Variants in RAB3IP observed in about 807,000 individuals in gnomAD.
The protein encoded by RAB3IP is RAB3A interacting protein, also known as rab-3A-interacting protein.
In RAB3IP, 36 loss-of-function variants were observed where a neutral mutation model predicts 59.1. The observed-to-expected ratio is 0.61, with a 90% CI of 0.47 to 0.80. The LOEUF is 0.80. Among genes scored for constraint, RAB3IP ranks in the 30% least tolerant of loss-of-function variants. The pLI is 0.00. For missense variants in RAB3IP, 511 were observed against 536.0 expected, an observed-to-expected ratio of 0.95 and a Z score of 0.46; for synonymous variants, 207 against 191.2, an observed-to-expected ratio of 1.08 and a Z score of -0.68.
chr12:69,759,410 G>A (rs1274806983), intron 3 of RAB3IP, among the ~76,000 whole-genome samples: 1 of 152,094 alleles, frequency 6.6e-6, no homozygotes, highest in Admixed American at 6.5e-5. Context: ...GCAACAATCT[G>A]ATTTCTCTAT....
chr12:69,784,032 C>T (rs1875205280), intron 3 of RAB3IP, among the ~76,000 whole-genome samples: 1 of 152,096 alleles, frequency 6.6e-6, no homozygotes, highest in South Asian at 2.1e-4. Flanking sequence ...TAGATTCTCC[C>T]CCCCTATGTT....
chr12:69,741,455 A>T (rs928543305), intron 1 of RAB3IP, among the ~76,000 whole-genome samples: 2 of 152,222 alleles, frequency 1.3e-5, no homozygotes, highest in African/African-American at 4.8e-5. Flanking sequence ...TGTAACTATA[A>T]GGAGGCACAC....
chr12:69,740,663 T>C (rs1040251624), intron 1 of RAB3IP, among the ~76,000 whole-genome samples: 18 of 152,258 alleles, frequency 1.2e-4, no homozygotes, highest in African/African-American at 4.3e-4. Flanking sequence ...ATTGTACTTT[T>C]TGAATTAGTG....
Position 69,815,547 on chromosome 12 carries a change from C to T in RAB3IP, c.*101C>T. 3.8e-6 allele frequency: 3 copies of T among 799,848 alleles called. No homozygotes were observed. Among genetic ancestry groups the T allele is most frequent in the Non-Finnish European group, 6.2e-6 (3 of 485,994 alleles). The allele number at this position is 799,848 out of a possible 1,614,324, so 49.5% of individuals were successfully genotyped here. On this transcript the variant is annotated 3_prime_UTR_variant, in exon 11 of 11. Coordinates refer to ENST00000247833, the MANE Select transcript of RAB3IP (RefSeq NM_022456.5). The stretch of plus-strand genomic sequence containing the variant: ...TTATTTCCAAGGAGTGAGCCTAAGA[C>T]TTTTTTCCCCTTTTGCAAATTGCTC...
At chr12:69,792,660 TTA>T (rs1876821088) in intron 4 of RAB3IP, among the ~76,000 whole-genome samples, 1 of 152,168 alleles carries the variant, frequency 6.6e-6, no homozygotes, top group African/African-American at 2.4e-5. Context: ...TGTCATCTTT[TTA>T]GCAACTGATC....
intron 1 of RAB3IP, among the ~76,000 whole-genome samples, chr12:69,747,939 T>C (rs1471183377): frequency 2.0e-5 from 3 of 152,224 alleles, no homozygotes; most frequent in Non-Finnish European, 2.9e-5. Flanking sequence ...GTTGCCATAT[T>C]ACCTCCTTTG....
Position 69,755,417 on chromosome 12 carries a change from T to C in RAB3IP, c.9T>C (p.Asn3=). The change falls in exon 2 of 11, where the codon AAT becomes AAC. Residue 3 remains asparagine (N), a synonymous_variant. Coordinates refer to ENST00000247833, the MANE Select transcript of RAB3IP (RefSeq NM_022456.5). MA[N]DPLEGFHEVN... is the part of the protein sequence containing the mutation. ...ATGATGAGGCTTTTGCTATGGCTAATGATCCCTTGGAAGGCTTCCATGAAG... is the reference window on the plus strand; with the variant it reads ...ATGATGAGGCTTTTGCTATGGCTAACGATCCCTTGGAAGGCTTCCATGAAG... The C allele has an allele frequency of 6.2e-7, 1 of 1,614,156 alleles. No homozygotes were observed. Among genetic ancestry groups the C allele is most frequent in the Non-Finnish European group, 8.5e-7 (1 of 1,179,976 alleles).
intron 4 of RAB3IP, among the ~76,000 whole-genome samples, chr12:69,792,113 C>T (rs997484657): frequency 3.3e-5 from 5 of 152,146 alleles, no homozygotes; most frequent in African/African-American, 1.2e-4. Context: ...TAGTCGAGCT[C>T]ATAGAAGCAC....
At chr12:69,806,164 C>G (rs1879233582) in intron 8 of RAB3IP, among the ~76,000 whole-genome samples, 1 of 152,184 alleles carries the variant, frequency 6.6e-6, no homozygotes, top group South Asian at 2.1e-4. Flanking sequence ...ATTATTGCCT[C>G]AATTTCAGAT....
intron 3 of RAB3IP, among the ~76,000 whole-genome samples, chr12:69,758,756 C>CTTTTTTTTTTTTTTT (rs71437121): frequency 2.1e-5 from 1 of 48,206 alleles, no homozygotes; most frequent in African/African-American, 7.8e-5. Context: ...GTGTTCATTC[C>CTTTTTTTTTTTTTTT]TTTTTTTTTT....
intron 8 of RAB3IP, among the ~76,000 whole-genome samples, chr12:69,810,393 C>G (rs553596069): frequency 6.6e-6 from 1 of 152,254 alleles, no homozygotes; most frequent in South Asian, 2.1e-4. Context: ...TCTCAAGCTG[C>G]GTGCTGGGAG....
intron 4 of RAB3IP, 45 bp from the exon 5 acceptor site, chr12:69,794,392 C>G (rs921995155): frequency 1.3e-6 from 2 of 1,517,364 alleles, no homozygotes; most frequent in Non-Finnish European, 1.8e-6. Flanking sequence ...TTTTTGAAAA[C>G]AAATGCTACT....
In RAB3IP at chr12:69,820,302, TATC is replaced by T. The variant is rs1182964540; in HGVS notation, c.*4858_*4860del. On this transcript the variant is annotated 3_prime_UTR_variant, in exon 11 of 11. Coordinates refer to ENST00000247833, the MANE Select transcript of RAB3IP (RefSeq NM_022456.5). ...TTGTCATTGTCACTCCCATTCCAGT[TATC>T]AGCAAATTCCATCAGCTGTCTCCGA... 1.3e-5 allele frequency: 2 copies of T among 152,138 alleles called. No homozygotes were observed. Among genetic ancestry groups the T allele is most frequent in the Admixed American group, 6.6e-5 (1 of 15,264 alleles). 9.4% of individuals were successfully genotyped at this position (152,138 alleles called of 1,614,324 possible). A position where few individuals can be genotyped will look rare whatever the true frequency, so the allele number is the denominator to read the frequency against.
intron 4 of RAB3IP, among the ~76,000 whole-genome samples, chr12:69,789,071 A>G (rs1876189968): frequency 6.6e-6 from 1 of 152,108 alleles, no homozygotes; most frequent in South Asian, 2.1e-4. Context: ...AAAGGCCTAC[A>G]TTAAAAAAGA....
intron 3 of RAB3IP, among the ~76,000 whole-genome samples, chr12:69,776,080 A>G (rs1441795173): frequency 2.6e-4 from 2 of 7,722 alleles, no homozygotes; most frequent in Admixed American, 3.4e-3. Context: ...GATTATTGCC[A>G]CAATTTCAGA....
At chr12:69,750,551 T>G (rs1430405924) in intron 1 of RAB3IP, among the ~76,000 whole-genome samples, 4 of 151,520 alleles carry the variant, frequency 2.6e-5, no homozygotes, top group African/African-American at 9.7e-5. Flanking sequence ...TCGTTTTTTT[T>G]TTTTTTTTTT....
chr12:69,768,139 C>T (rs1348368912), intron 3 of RAB3IP, among the ~76,000 whole-genome samples: 2 of 151,678 alleles, frequency 1.3e-5, no homozygotes, highest in Non-Finnish European at 2.9e-5. Flanking sequence ...CCTCACTGTA[C>T]CGTGATCTGC....
chr12:69,797,673 A>G (rs1407267720), intron 6 of RAB3IP, among the ~76,000 whole-genome samples: 3 of 137,100 alleles, frequency 2.2e-5, no homozygotes, highest in African/African-American at 8.3e-5. Flanking sequence ...TCCCTACCCC[A>G]TCCCCCCACC....
intron 7 of RAB3IP, 56 bp from the exon 8 acceptor site, chr12:69,801,553 C>A: frequency 1.8e-6 from 2 of 1,085,438 alleles, no homozygotes; most frequent in Non-Finnish European, 2.7e-6. Context: ...CTGTAGAATA[C>A]AATTTTGATA....
Sources: gnomAD v4.1 joint callset for allele counts (sites outside exome capture counted in the v4.1 genomes callset) on GRCh38, gnomAD v4.1.1 for gene constraint, MANE v1.5 for transcripts, NCBI Gene and HGNC (gene_info 2026-07-23, HGNC 2026-07-21) for gene names.